SUB1: variants seen among roughly 807,000 people sequenced by gnomAD.
SUB1 encodes SUB1 regulator of transcription, also known as activated RNA polymerase II transcriptional coactivator p15.
SUB1 carries 1 observed loss-of-function variant against 16.9 expected under a neutral mutation model. The ratio of observed to expected loss-of-function variants is 0.06; its 90% CI spans 0.02 to 0.28. The LOEUF (loss-of-function observed/expected upper bound fraction) is 0.28, where lower values mean the gene tolerates loss of function less well. Ranked by LOEUF, SUB1 falls within the 10% of genes least tolerant of loss-of-function variation. SUB1 has a pLI of 1.00. For missense variants in SUB1, 84 were observed against 145.2 expected (o/e 0.58, Z 2.16); for synonymous variants, 51 against 46.9 (o/e 1.09, Z -0.36).
intron 3 of SUB1, among the ~76,000 whole-genome samples, chr5:32,593,356 T>C (rs1160946661): frequency 6.6e-6 from 1 of 152,162 alleles, no homozygotes; most frequent in Non-Finnish European, 1.5e-5. Flanking sequence ...CATGTATATT[T>C]TGACCTGTTG....
At chr5:32,597,985 G>A (rs1027004724) in intron 3 of SUB1, 1 of 152,124 alleles carries the variant, frequency 6.6e-6, no homozygotes, top group African/African-American at 2.4e-5. Flanking sequence ...AATAAAATAT[G>A]TCATCTGTTA....
chr5:32,597,369 G>GT (rs1270971045), intron 3 of SUB1: 1 of 152,106 alleles, frequency 6.6e-6, no homozygotes, highest in African/African-American at 2.4e-5. Flanking sequence ...GACGTAGTAT[G>GT]TAACAGGATT....
At chr5:32,591,326 A>G in intron 2 of SUB1, 2 of 375,576 alleles carry the variant, frequency 5.3e-6, no homozygotes, top group Non-Finnish European at 8.9e-6. Context: ...GGTTAATACT[A>G]CTATAATGCC....
At chr5:32,592,253 G>A (rs1738846552) in intron 3 of SUB1, among the ~76,000 whole-genome samples, 1 of 152,230 alleles carries the variant, frequency 6.6e-6, no homozygotes, top group Non-Finnish European at 1.5e-5. Flanking sequence ...AAAGCAACTT[G>A]GAGGAGGCAG....
intron 3 of SUB1, among the ~76,000 whole-genome samples, chr5:32,593,677 A>T (rs1738886806): frequency 6.6e-6 from 1 of 151,998 alleles, no homozygotes; most frequent in Non-Finnish European, 1.5e-5. Context: ...TGCCTCTAGG[A>T]GGAACATAGG....
intron 3 of SUB1, chr5:32,597,400 G>A (rs997141985): frequency 2.0e-5 from 3 of 151,820 alleles, no homozygotes; most frequent in Admixed American, 2.0e-4. Flanking sequence ...AAAGCTAATT[G>A]ATATTCCATT....
rs1739137725 is a variant in SUB1, at chr5:32,602,420, A to G, written c.*1336A>G. 1.6e-5 allele frequency: 4 copies of G among 243,792 alleles called. No homozygotes were observed. Among genetic ancestry groups the G allele is most frequent in the South Asian group, 1.6e-4 (4 of 24,442 alleles). 15.1% of individuals were successfully genotyped at this position (243,792 alleles called of 1,614,324 possible). On this transcript the variant is annotated 3_prime_UTR_variant, in exon 5 of 5. Coordinates refer to ENST00000265073, the MANE Select transcript of SUB1 (RefSeq NM_006713.4). Reference sequence around the variant, plus strand: ...GGTAGAGTAGAAAAAGGAAAGTTTTAAAGACATATAAAAGATTCTTGTTGA... The same window carrying G: ...GGTAGAGTAGAAAAAGGAAAGTTTTGAAGACATATAAAAGATTCTTGTTGA...
At chr5:32,592,089 T>C (rs1738842097) in intron 3 of SUB1, among the ~76,000 whole-genome samples, 1 of 152,264 alleles carries the variant, frequency 6.6e-6, no homozygotes, top group Admixed American at 6.5e-5. Flanking sequence ...TTGCCTAATA[T>C]GTATGTTACA....
Position 32,591,658 on chromosome 5 carries a change from C to A in SUB1, c.168C>A (p.Ser56Arg), listed in dbSNP as rs773785277. The A allele has an allele frequency of 1.3e-6, 2 of 1,594,640 alleles. No individual in the cohort carries two copies. The highest frequency in any genetic ancestry group is 1.7e-6 in the Non-Finnish European group (2 of 1,173,268). The change falls in exon 3 of 5, where the codon AGC (serine) becomes AGA (arginine). Residue 56 changes from serine (S) to arginine (R), a missense_variant. Physicochemically the swap from Ser to Arg is moderately radical, Grantham distance 110. Around this residue, in one of 2 missense-constraint regions of SUB1, gnomAD observed 60 missense variants for 64.9 expected, o/e 0.92. Transcript: ENST00000265073. Reference protein sequence around the residue: ...SRALSSSKQSSSSRDDNMFQI... With the variant: ...SRALSSSKQSRSSRDDNMFQI... ...CCCTGTCATCTTCTAAACAGAGCAG[C>A]AGCAGCAGAGATGATAACATGTTTC...
intron 3 of SUB1, chr5:32,597,830 C>T (rs576138150): frequency 6.6e-6 from 1 of 152,160 alleles, no homozygotes; most frequent in South Asian, 2.1e-4. Context: ...GTATTATATA[C>T]TGTATTCTTA....
chr5:32,588,820 TAAATAAA>T (rs553963805), intron 2 of SUB1, among the ~76,000 whole-genome samples: 21 of 151,874 alleles, frequency 1.4e-4, no homozygotes, highest in Non-Finnish European at 2.2e-4. Context: ...AAAAAATAAA[TAAATAAA>T]AAATAAAAAA....
rs567336710 is a variant in SUB1, at chr5:32,591,698, A to AT, written c.195+33dup. On this transcript the variant is annotated intron_variant, in intron 3 of 4. Transcript: ENST00000265073. ...TAACATGTTTCAGGTAAAGTTGGCTATTTTTTTTTTTTTTTTTTTTGACAT... is the reference window on the plus strand; with the variant it reads ...TAACATGTTTCAGGTAAAGTTGGCTATTTTTTTTTTTTTTTTTTTTTGACAT... 0.069 allele frequency: 92,369 copies of AT among 1,346,266 alleles called. 41 individuals carry two copies. The highest frequency in any genetic ancestry group is 0.073 in the Non-Finnish European group (75,689 of 1,032,918). 83.4% of individuals were successfully genotyped at this position (1,346,266 alleles called of 1,614,324 possible).
chr5:32,594,627 G>C (rs1738910187), intron 3 of SUB1: 1 of 454,484 alleles, frequency 2.2e-6, no homozygotes, highest in African/African-American at 2.0e-5. Context: ...TGAGCGGTGT[G>C]TGAGTGAACA....
At chr5:32,590,770 T>A (rs1265688175) in intron 2 of SUB1, among the ~76,000 whole-genome samples, 21 of 105,818 alleles carry the variant, frequency 2.0e-4, no homozygotes, top group African/African-American at 6.3e-4. Flanking sequence ...TAATTTTTTT[T>A]TTTTTTTTTT....
At chr5:32,593,634 C>T (rs1738885912) in intron 3 of SUB1, among the ~76,000 whole-genome samples, 1 of 152,106 alleles carries the variant, frequency 6.6e-6, no homozygotes, top group Non-Finnish European at 1.5e-5. Context: ...ATTCCTAAGC[C>T]TCCTAAGGCT....
intron 2 of SUB1, 131 bp from the exon 3 acceptor site, chr5:32,591,432 C>T (rs1057127263): frequency 1.8e-5 from 22 of 1,252,042 alleles, no homozygotes; most frequent in Non-Finnish European, 2.1e-5. Flanking sequence ...GTGAAACTTG[C>T]TTATGTATAT....
Position 32,603,725 on chromosome 5 carries a change from A to G in SUB1, c.*2641A>G, listed in dbSNP as rs1291990938. 2.0e-5 allele frequency: 3 copies of G among 152,198 alleles called. No homozygotes were observed. Among genetic ancestry groups the G allele is most frequent in the South Asian group, 2.1e-4 (1 of 4,836 alleles). The allele number at this position is 152,198 out of a possible 1,614,324, so 9.4% of individuals were successfully genotyped here. A position where few individuals can be genotyped will look rare whatever the true frequency, so the allele number is the denominator to read the frequency against. ...GAAATAAGTATATTCTGACTTGGCT[A>G]TTGAGGGGAAAATTCAGTATTAAGT... On this transcript the variant is annotated 3_prime_UTR_variant, in exon 5 of 5. Transcript: ENST00000265073.
chr5:32,600,126 G>A (rs769229505), intron 4 of SUB1, among the ~76,000 whole-genome samples: 22 of 152,202 alleles, frequency 1.4e-4, no homozygotes, highest in Non-Finnish European at 2.6e-4. Context: ...AGGCTTACAA[G>A]GTGATGTAGT....
intron 3 of SUB1, chr5:32,597,619 T>A (rs1739000989): frequency 6.6e-6 from 1 of 152,214 alleles, no homozygotes; most frequent in Admixed American, 6.5e-5. Flanking sequence ...AACAGCAATT[T>A]CCTTTGGTTG....
Sources: allele counts gnomAD v4.1 joint callset (sites outside exome capture counted in the v4.1 genomes callset), GRCh38; gene constraint gnomAD v4.1.1; regional missense constraint gnomAD v4.1.1; transcripts MANE v1.5; gene names NCBI Gene and HGNC (gene_info 2026-07-23, HGNC 2026-07-21).